The following ADCY1 variants were observed in gnomAD, a reference collection of about 807,000 sequenced individuals.
ADCY1 encodes the protein adenylate cyclase 1.
Under a neutral mutation model 105.4 loss-of-function variants are expected in ADCY1, and 28 were observed. The ratio of observed to expected loss-of-function variants is 0.27; its 90% CI spans 0.20 to 0.36. The LOEUF (loss-of-function observed/expected upper bound fraction) is 0.36, where lower values mean the gene tolerates loss of function less well. Ranked by LOEUF, ADCY1 falls within the 10% of genes least tolerant of loss-of-function variation. The pLI is 1.00. For synonymous variants in ADCY1, 655 were observed against 623.8 expected (o/e 1.05, Z -0.75); for missense variants, 977 against 1,434.2 (o/e 0.68, Z 5.15).
intron 8 of ADCY1, among the ~76,000 whole-genome samples, chr7:45,672,910 CT>C (rs1784391735): frequency 6.6e-6 from 1 of 152,142 alleles, no homozygotes; most frequent in Admixed American, 6.5e-5. Flanking sequence ...CGTGTTCAGT[CT>C]TTCACGATTA....
At chr7:45,627,304 G>A (rs1794087428) in intron 4 of ADCY1, among the ~76,000 whole-genome samples, 2 of 152,160 alleles carry the variant, frequency 1.3e-5, no homozygotes, top group South Asian at 4.1e-4. Flanking sequence ...AAGCCCCAAA[G>A]GCCATCTTTT....
intron 1 of ADCY1, among the ~76,000 whole-genome samples, chr7:45,580,297 G>T (rs925490573): frequency 6.6e-6 from 1 of 152,174 alleles, no homozygotes; most frequent in African/African-American, 2.4e-5. Context: ...GAGTCTGGTC[G>T]CACTGATGGA....
chr7:45,663,262 G>A (rs1795180053), intron 8 of ADCY1, among the ~76,000 whole-genome samples: 2 of 152,244 alleles, frequency 1.3e-5, no homozygotes, highest in Non-Finnish European at 2.9e-5. Context: ...CCCAGCCTTG[G>A]AGCTGGAGTT....
intron 1 of ADCY1, among the ~76,000 whole-genome samples, chr7:45,586,416 GTTATT>G (rs1480197548): frequency 5.9e-5 from 9 of 152,104 alleles, no homozygotes; most frequent in Admixed American, 5.9e-4. Flanking sequence ...AAAAAATTGT[GTTATT>G]TTATTTTTAT....
intron 11 of ADCY1, among the ~76,000 whole-genome samples, chr7:45,681,906 T>A (rs1285889843): frequency 6.6e-6 from 1 of 152,160 alleles, no homozygotes; most frequent in Non-Finnish European, 1.5e-5. Context: ...CTCCCCGACA[T>A]TGACAGTGTC....
chr7:45,679,651 T>G, intron 10 of ADCY1, 58 bp from the exon 11 acceptor site: 1 of 1,574,912 alleles, frequency 6.3e-7, no homozygotes, highest in Non-Finnish European at 8.7e-7. Flanking sequence ...AGCCATCTCT[T>G]GGGTCCGCCT....
intron 14 of ADCY1, among the ~76,000 whole-genome samples, chr7:45,702,225 C>T (rs1272346424): frequency 6.6e-6 from 1 of 152,222 alleles, no homozygotes; most frequent in African/African-American, 2.4e-5. Flanking sequence ...CAGCTGTGCT[C>T]TTTAGGCTTA....
intron 14 of ADCY1, among the ~76,000 whole-genome samples, chr7:45,698,764 A>T (rs1784933568): frequency 6.6e-6 from 1 of 152,206 alleles, no homozygotes; most frequent in African/African-American, 2.4e-5. Context: ...GGCCGTGCAA[A>T]GCTAGAGTCC....
At chr7:45,665,331 G>A (rs1435585323) in intron 8 of ADCY1, among the ~76,000 whole-genome samples, 2 of 152,218 alleles carry the variant, frequency 1.3e-5, no homozygotes, top group Non-Finnish European at 2.9e-5. Context: ...CTGCCTGAGT[G>A]TGTGCAGCCT....
intron 18 of ADCY1, among the ~76,000 whole-genome samples, chr7:45,709,328 C>G (rs1785181904): frequency 6.6e-6 from 1 of 152,186 alleles, no homozygotes; most frequent in South Asian, 2.1e-4. Context: ...TCCTCACTTT[C>G]CAATGACAAG....
intron 7 of ADCY1, 78 bp from the exon 8 acceptor site, chr7:45,661,981 A>G (rs1210634427): frequency 6.5e-7 from 1 of 1,529,088 alleles, no homozygotes; most frequent in Non-Finnish European, 8.9e-7. Context: ...TGTGTTTGTC[A>G]GGATGGCATT....
intron 8 of ADCY1, among the ~76,000 whole-genome samples, chr7:45,674,998 A>C (rs1014079452): frequency 6.6e-6 from 1 of 152,172 alleles, no homozygotes; most frequent in African/African-American, 2.4e-5. Flanking sequence ...CATTTATTAC[A>C]GCCTCTTTTA....
At position 45,679,886 on chromosome 7, in the gene ADCY1, G is replaced by C. The variant is rs1676861956; in HGVS notation, c.1983+93G>C. The C allele has an allele frequency of 2.1e-6, 3 of 1,459,404 alleles. No homozygotes were observed. In the South Asian group the frequency reaches 3.4e-5, roughly 17 times the overall value. The allele number at this position is 1,459,404 out of a possible 1,614,324, so 90.4% of individuals were successfully genotyped here. Reference sequence around the variant, plus strand: ...TGCACCTGCATATCACCTGGTCCAGGTATGAGGGTGGCCTGTGTCCTATAC... The same window carrying C: ...TGCACCTGCATATCACCTGGTCCAGCTATGAGGGTGGCCTGTGTCCTATAC... On this transcript the variant is annotated intron_variant, in intron 11 of 19. Transcript: ENST00000297323.
intron 4 of ADCY1, 83 bp downstream of exon 4, chr7:45,622,826 G>A (rs1449457138): frequency 8.9e-7 from 1 of 1,124,732 alleles, no homozygotes; most frequent in Admixed American, 2.0e-5. Context: ...CCCTGTATTT[G>A]GACCATGAAC....
intron 8 of ADCY1, among the ~76,000 whole-genome samples, chr7:45,675,555 T>TTA (rs1180389698): frequency 1.3e-5 from 2 of 152,112 alleles, no homozygotes; most frequent in African/African-American, 2.4e-5. Context: ...TTTAGGTTGA[T>TTA]TATAAACTCT....
intron 7 of ADCY1, 120 bp downstream of exon 7, chr7:45,660,303 C>G: frequency 1.4e-6 from 2 of 1,389,428 alleles, no homozygotes; most frequent in Non-Finnish European, 2.0e-6. Context: ...TGTGAACTTG[C>G]TAAGATGGGG....
At chr7:45,712,007 AAT>A (rs1158654190) in intron 19 of ADCY1, among the ~76,000 whole-genome samples, 2 of 113,834 alleles carry the variant, frequency 1.8e-5, no homozygotes, top group Non-Finnish European at 3.3e-5. Context: ...TATTATATTA[AAT>A]ATATATTTTA....
At chr7:45,664,161 T>G in intron 8 of ADCY1, 1 of 815,378 alleles carries the variant, frequency 1.2e-6, no homozygotes. Context: ...GGGTGGGGCG[T>G]TCCTGCTAAA....
rs1785417640 is a variant in ADCY1 at position 45,719,186 on chromosome 7, G to A, written c.*5191G>A. On this transcript the variant is annotated 3_prime_UTR_variant, in exon 20 of 20. Transcript: ENST00000297323. The stretch of plus-strand genomic sequence containing the variant: ...GCAGCAGGGGGCAGAGCCCCAGCCA[G>A]GGCAGCTGCTTCCTGCACATAGACA... The A allele has an allele frequency of 6.5e-6, 1 of 152,806 alleles. No individual in the cohort carries two copies. Among genetic ancestry groups the A allele is most frequent in the African/African-American group, 2.4e-5 (1 of 41,474 alleles). The allele number at this position is 152,806 out of a possible 1,614,324, so 9.5% of individuals were successfully genotyped here.
Sources: allele counts gnomAD v4.1 joint callset (sites outside exome capture counted in the v4.1 genomes callset), GRCh38; gene constraint gnomAD v4.1.1; transcripts MANE v1.5; gene names NCBI Gene and HGNC (gene_info 2026-07-23, HGNC 2026-07-21).